LMNTD1: variants seen among roughly 807,000 people sequenced by gnomAD.
LMNTD1 encodes the protein lamin tail domain containing 1.
In LMNTD1, 35 loss-of-function variants were observed where a neutral mutation model predicts 50.9. That is an observed-to-expected ratio of 0.69 (90% CI 0.53 to 0.91). The LOEUF (loss-of-function observed/expected upper bound fraction) is 0.91. LMNTD1 is among the 40% of genes least tolerant of loss of function. LMNTD1 has a pLI of 0.00. For synonymous variants in LMNTD1, 153 were observed against 161.9 expected (o/e 0.94, Z 0.42); for missense variants, 470 against 475.5 (o/e 0.99, Z 0.11).
At chr12:25,527,501 G>A (rs999581322) in intron 4 of LMNTD1, among the ~76,000 whole-genome samples, 3 of 150,912 alleles carry the variant, frequency 2.0e-5, no homozygotes, top group Middle Eastern at 3.4e-3. Flanking sequence ...TTATGTATCA[G>A]CATTTTTCAG....
chr12:25,583,782 C>T (rs1157992102), intron 1 of LMNTD1, among the ~76,000 whole-genome samples: 2 of 152,082 alleles, frequency 1.3e-5, no homozygotes, highest in South Asian at 2.1e-4. Context: ...GAGTGAGAGG[C>T]GAAGGAGAGG....
intron 1 of LMNTD1, among the ~76,000 whole-genome samples, chr12:25,637,302 A>C (rs1946856744): frequency 6.6e-6 from 1 of 152,184 alleles, no homozygotes; most frequent in South Asian, 2.1e-4. Flanking sequence ...TTAGTAGGCA[A>C]TGACTTTAGT....
chr12:25,633,203 T>A (rs1320818905), intron 1 of LMNTD1, among the ~76,000 whole-genome samples: 1 of 152,058 alleles, frequency 6.6e-6, no homozygotes, highest in South Asian at 2.1e-4. Context: ...TAAGAAATGA[T>A]ATAGACAGCA....
At chr12:25,639,274 G>A (rs566884334) in intron 1 of LMNTD1, among the ~76,000 whole-genome samples, 2 of 152,062 alleles carry the variant, frequency 1.3e-5, no homozygotes, top group South Asian at 4.1e-4. Context: ...TTTTAGATAT[G>A]ACACTAAATG....
Position 25,558,310 on chromosome 12 carries a change from G to T in LMNTD1, c.59-11756C>A, listed in dbSNP as rs527254704. ...TCTGATCTTTATTATTTCTTCTACT[G>T]ATTTTGGGTTTGGTTTGCTCTTATT... is the stretch of plus-strand genomic sequence containing the variant. On this transcript the variant is annotated intron_variant, in intron 1 of 7. Transcript: ENST00000445693. Among the ~76,000 whole-genome samples the T allele has an allele frequency of 2.0e-4, 31 of 152,100 alleles. No individual in the cohort carries two copies. The South Asian group carries it at 6.4e-3, about 32-fold the overall frequency.
chr12:25,528,314 T>C (rs1941960395), intron 4 of LMNTD1, among the ~76,000 whole-genome samples: 1 of 152,196 alleles, frequency 6.6e-6, no homozygotes, highest in African/African-American at 2.4e-5. Context: ...TTAATTCCCA[T>C]GTCCAAGGTC....
upstream of LMNTD1, among the ~76,000 whole-genome samples, chr12:25,555,955 G>T (rs1470188955): frequency 6.7e-6 from 1 of 148,980 alleles, no homozygotes; most frequent in African/African-American, 2.5e-5. Context: ...GGTGCATGAG[G>T]TGCAATAATC....
chr12:25,636,011 G>T (rs775341017), intron 1 of LMNTD1, among the ~76,000 whole-genome samples: 1 of 152,116 alleles, frequency 6.6e-6, no homozygotes, highest in Non-Finnish European at 1.5e-5. Context: ...TTAAATCTAA[G>T]ACCTGAAACT....
At chr12:25,627,639 TGCTTTCTCTCATCTGGTATCACCACAG>T (rs1398945193) in intron 1 of LMNTD1, among the ~76,000 whole-genome samples, 1 of 152,202 alleles carries the variant, frequency 6.6e-6, no homozygotes, top group African/African-American at 2.4e-5. Context: ...AACGTGTGGA[TGCTTTCTCTCATCTGGTATCACCACAG>T]GACACATTAT....
intron 6 of LMNTD1, among the ~76,000 whole-genome samples, chr12:25,524,468 G>A (rs1199449850): frequency 6.6e-6 from 1 of 152,132 alleles, no homozygotes; most frequent in African/African-American, 2.4e-5. Flanking sequence ...AAATCACTGG[G>A]TAAAAGGAAC....
chr12:25,481,741 G>T (rs36055625), intron 9 of LMNTD1, among the ~76,000 whole-genome samples: 36,062 of 150,804 alleles, frequency 0.24, 5,122 homozygotes, highest in East Asian at 0.63. Context: ...TCTCTGAAGA[G>T]GGTATCTTGT....
intron 6 of LMNTD1, among the ~76,000 whole-genome samples, chr12:25,522,192 C>CA (rs35623041): frequency 0.19 from 28,889 of 151,920 alleles, 3,444 homozygotes; most frequent in Non-Finnish European, 0.29. Flanking sequence ...TAGATTATGG[C>CA]AAAAAAATGG....
intron 1 of LMNTD1, among the ~76,000 whole-genome samples, chr12:25,605,584 A>C (rs1946080468): frequency 1.3e-5 from 2 of 152,292 alleles, no homozygotes; most frequent in South Asian, 4.1e-4. Flanking sequence ...TCCCAGCACC[A>C]TTTATTAAAT....
chr12:25,551,306 T>C (rs1943731542), intron 2 of LMNTD1, among the ~76,000 whole-genome samples: 1 of 152,228 alleles, frequency 6.6e-6, no homozygotes, highest in Non-Finnish European at 1.5e-5. Flanking sequence ...CAAGAAGGCT[T>C]AACAAAATCT....
At chr12:25,549,885 T>A (rs1344608036) in intron 2 of LMNTD1, among the ~76,000 whole-genome samples, 1 of 152,212 alleles carries the variant, frequency 6.6e-6, no homozygotes, top group Non-Finnish European at 1.5e-5. Flanking sequence ...ATGTACTTTT[T>A]ACTCTAAGTG....
intron 9 of LMNTD1, among the ~76,000 whole-genome samples, chr12:25,479,408 A>G (rs1197195194): frequency 6.6e-6 from 1 of 152,138 alleles, no homozygotes; most frequent in Non-Finnish European, 1.5e-5. Flanking sequence ...CATATATTAG[A>G]TGCTGATTCA....
At chr12:25,549,621 A>G (rs1212043444) in intron 2 of LMNTD1, 75 bp from the exon 3 acceptor site, 1 of 750,654 alleles carries the variant, frequency 1.3e-6, no homozygotes, top group Non-Finnish European at 2.0e-6. Flanking sequence ...AGCATGGGCT[A>G]TTATTATTAC....
At chr12:25,547,202 T>A in intron 3 of LMNTD1, 1 of 964,730 alleles carries the variant, frequency 1.0e-6, no homozygotes, top group Non-Finnish European at 1.2e-6. Context: ...AATCTAATAA[T>A]ATATCCGCAA....
At position 25,518,874 on chromosome 12, in the gene LMNTD1, T is replaced by C. The variant is rs746908750; in HGVS notation, c.1110A>G (p.Glu370=). The C allele has an allele frequency of 6.2e-7, 1 of 1,613,964 alleles. No homozygotes were observed. The highest frequency in any genetic ancestry group is 8.5e-7 in the Non-Finnish European group (1 of 1,179,988). Residue 370 remains glutamate, a synonymous_variant, in exon 8 of 10, where the codon GAA becomes GAG. Coordinates refer to ENST00000458174, the MANE Select transcript of LMNTD1 (RefSeq NM_001145728.2). The stretch of plus-strand genomic sequence containing the variant: ...CTCCAGCGGTGGATGTATTGTGTGG[T>C]TCAATCAGAGGACAGTAAGGATGTG... The part of the protein sequence containing the change: ...VSAHPYCPLI[E]PHNTSTAGGR...
Sources: allele counts gnomAD v4.1 joint callset (sites outside exome capture counted in the v4.1 genomes callset), GRCh38; gene constraint gnomAD v4.1.1; transcripts MANE v1.5; gene names NCBI Gene and HGNC (gene_info 2026-07-23, HGNC 2026-07-21).